Variants in STPG2 observed in about 807,000 individuals in gnomAD.
The protein encoded by STPG2 is sperm-tail PG-rich repeat-containing protein 2.
Under a neutral mutation model 54.2 loss-of-function variants are expected in STPG2, and 56 were observed. That is an observed-to-expected ratio of 1.03 (90% confidence interval 0.83 to 1.29). The LOEUF (loss-of-function observed/expected upper bound fraction) is 1.29, where lower values mean the gene tolerates loss of function less well. STPG2 is among the 50% of genes most tolerant of loss of function. STPG2 has a pLI of 0.00. For missense variants in STPG2, 596 were observed against 544.9 expected (o/e 1.09, Z -0.93); for synonymous variants, 200 against 181.8 (o/e 1.10, Z -0.81).
At chr4:98,056,194 A>C (rs1353321095) in intron 5 of STPG2, among the ~76,000 whole-genome samples, 2 of 152,196 alleles carry the variant, frequency 1.3e-5, no homozygotes, top group African/African-American at 4.8e-5. Context: ...ACCACACCCT[A>C]GTGCTAACAC....
intron 9 of STPG2, among the ~76,000 whole-genome samples, chr4:97,728,711 A>G (rs894082414): frequency 6.6e-6 from 1 of 152,076 alleles, no homozygotes; most frequent in African/African-American, 2.4e-5. Context: ...GAGAATGCTC[A>G]GCTGGAGTCA....
intron 9 of STPG2, among the ~76,000 whole-genome samples, chr4:97,820,704 G>A (rs1728059722): frequency 6.6e-6 from 1 of 152,150 alleles, no homozygotes; most frequent in Admixed American, 6.5e-5. Context: ...TCAATGTGGG[G>A]AGGTCTCAGG....
intron 10 of STPG2, among the ~76,000 whole-genome samples, chr4:97,637,025 C>G (rs1370345723): frequency 2.6e-5 from 4 of 152,160 alleles, no homozygotes; most frequent in Non-Finnish European, 5.9e-5. Flanking sequence ...CAAAGCCGGG[C>G]AGAGACAAAA....
chr4:98,106,709 T>C (rs1226675947), intron 4 of STPG2, among the ~76,000 whole-genome samples: 3 of 152,286 alleles, frequency 2.0e-5, no homozygotes, highest in South Asian at 2.1e-4. Context: ...AAACTGGTAA[T>C]TGGAAATAGT....
chr4:97,751,580 C>A (rs984202097), intron 9 of STPG2, among the ~76,000 whole-genome samples: 1 of 151,614 alleles, frequency 6.6e-6, no homozygotes, highest in African/African-American at 2.4e-5. Context: ...AAAATAAAGA[C>A]AAAAGAATTT....
chr4:97,661,735 A>C (rs530081877), intron 10 of STPG2, among the ~76,000 whole-genome samples: 1 of 151,332 alleles, frequency 6.6e-6, no homozygotes, highest in South Asian at 2.1e-4. Context: ...TGGATACAGA[A>C]AAGAAAAAAA....
intron 5 of STPG2, among the ~76,000 whole-genome samples, chr4:98,031,074 G>C (rs1438512543): frequency 6.6e-6 from 1 of 152,048 alleles, no homozygotes; most frequent in Non-Finnish European, 1.5e-5. Flanking sequence ...TAGACCAATG[G>C]AACAGAATAG....
intron 4 of STPG2, among the ~76,000 whole-genome samples, chr4:97,497,001 T>TAA (rs1322340392): frequency 4.1e-5 from 6 of 146,198 alleles, no homozygotes; most frequent in South Asian, 4.2e-4. Flanking sequence ...TTTTTTTTTT[T>TAA]AAAAAAAGCA....
At chr4:97,944,941 A>G (rs1323179136) in intron 7 of STPG2, among the ~76,000 whole-genome samples, 2 of 152,210 alleles carry the variant, frequency 1.3e-5, no homozygotes, top group Non-Finnish European at 1.5e-5. Context: ...AAATAGAACA[A>G]TCACAGTCAC....
intron 7 of STPG2, among the ~76,000 whole-genome samples, chr4:97,947,069 C>T (rs551432546): frequency 3.3e-5 from 5 of 152,100 alleles, no homozygotes; most frequent in South Asian, 2.1e-4. Flanking sequence ...TGATTTCTTT[C>T]GGCAGTGTTT....
At chr4:98,089,536 T>C (rs1017845754) in intron 5 of STPG2, among the ~76,000 whole-genome samples, 1 of 152,026 alleles carries the variant, frequency 6.6e-6, no homozygotes, top group Non-Finnish European at 1.5e-5. Context: ...TTTTTTTTCA[T>C]GTAATGACTT....
In STPG2 at chr4:97,981,833, T is replaced by TTATATATATATA. The variant is rs3047345; in HGVS notation, c.613-527_613-516dup. 5.1e-3 allele frequency among the ~76,000 whole-genome samples: 736 copies of TTATATATATATA among 143,328 alleles called. 7 individuals carry two copies. The highest frequency in any genetic ancestry group is 0.018 in the African/African-American group (690 of 39,062). 94.0% of individuals were successfully genotyped at this position (143,328 alleles called of 152,430 possible). ...TATTAACATTATATATATAAAATGTTTATATATATATATATATATATAACT... is the reference window on the plus strand; with the variant it reads ...TATTAACATTATATATATAAAATGTTTATATATATATATATATATATATATATATATATAACT... On this transcript the variant is annotated intron_variant, in intron 5 of 10. Transcript: ENST00000295268.
At chr4:97,603,975 T>C (rs1215123050) in intron 10 of STPG2, among the ~76,000 whole-genome samples, 1 of 151,718 alleles carries the variant, frequency 6.6e-6, no homozygotes, top group Non-Finnish European at 1.5e-5. Context: ...GTAAATTTTA[T>C]GTTATATATA....
intron 9 of STPG2, among the ~76,000 whole-genome samples, chr4:97,817,870 A>T (rs1727961465): frequency 6.6e-6 from 1 of 151,788 alleles, no homozygotes; most frequent in African/African-American, 2.4e-5. Flanking sequence ...CTTCATTCAG[A>T]TTTGAAGGTC....
intron 4 of STPG2, among the ~76,000 whole-genome samples, chr4:97,479,921 T>C (rs1336796747): frequency 6.6e-6 from 1 of 151,862 alleles, no homozygotes; most frequent in Non-Finnish European, 1.5e-5. Context: ...TTTGTTTCCA[T>C]ATTTGCTGAA....
At chr4:97,496,471 G>A (rs72887269) in intron 4 of STPG2, among the ~76,000 whole-genome samples, 16,248 of 151,636 alleles carry the variant, frequency 0.11, 2,535 homozygotes, top group African/African-American at 0.35. Context: ...AATGTTTCCC[G>A]CTGCTAGAAA....
intron 5 of STPG2, among the ~76,000 whole-genome samples, chr4:98,045,624 G>C (rs1158803324): frequency 6.6e-6 from 1 of 151,916 alleles, no homozygotes; most frequent in Non-Finnish European, 1.5e-5. Context: ...ATAGTATTTG[G>C]GGGTGACCAT....
intron 4 of STPG2, among the ~76,000 whole-genome samples, chr4:97,513,861 T>A (rs1205310866): frequency 6.6e-6 from 1 of 152,104 alleles, no homozygotes; most frequent in East Asian, 1.9e-4. Flanking sequence ...TATGCAGTAG[T>A]GCCTATCTAG....
intron 10 of STPG2, among the ~76,000 whole-genome samples, chr4:97,564,640 A>G (rs1732371301): frequency 6.6e-6 from 1 of 152,078 alleles, no homozygotes; most frequent in Non-Finnish European, 1.5e-5. Flanking sequence ...TGGTGACAAA[A>G]TCTCTCAGTG....
Sources: gnomAD v4.1 joint callset for allele counts (sites outside exome capture counted in the v4.1 genomes callset) on GRCh38, gnomAD v4.1.1 for gene constraint, MANE v1.5 for transcripts, NCBI Gene and HGNC (gene_info 2026-07-23, HGNC 2026-07-21) for gene names.